The following HPSE2 variants were observed in gnomAD, a reference collection of about 807,000 sequenced individuals.
HPSE2 encodes the protein heparanase 2 (inactive).
A neutral mutation model predicts 60.5 loss-of-function variants in HPSE2; 38 were observed. The observed-to-expected ratio is 0.63, with a 90% CI of 0.48 to 0.82. HPSE2 has a LOEUF of 0.82. Among genes scored for constraint, HPSE2 ranks in the 40% least tolerant of loss-of-function variants. The probability of loss-of-function intolerance (pLI) is 0.00; values close to 1 mark genes in which losing one functional copy is unlikely to be tolerated. For missense variants in HPSE2, 713 were observed against 740.4 expected (o/e 0.96, Z 0.43); for synonymous variants, 295 against 293.2 (o/e 1.01, Z -0.06).
chr10:98,736,521 C>T (rs1207195604), intron 4 of HPSE2, among the ~76,000 whole-genome samples: 1 of 152,074 alleles, frequency 6.6e-6, no homozygotes, highest in African/African-American at 2.4e-5. Context: ...ACTCACTTCC[C>T]TTAATAATCA....
intron 11 of HPSE2, among the ~76,000 whole-genome samples, chr10:98,475,050 C>G (rs773354966): frequency 3.3e-5 from 5 of 152,062 alleles, no homozygotes; most frequent in Non-Finnish European, 5.9e-5. Context: ...TTGAACTTTA[C>G]ATTCAGAATT....
chr10:98,939,589 T>G (rs1564673771), intron 3 of HPSE2, among the ~76,000 whole-genome samples: 1 of 143,536 alleles, frequency 7.0e-6, no homozygotes, highest in African/African-American at 2.9e-5. Context: ...AAGCAAGTCC[T>G]GAGTGACCTA....
At chr10:98,966,368 A>C (rs1011971254) in intron 3 of HPSE2, among the ~76,000 whole-genome samples, 2 of 152,184 alleles carry the variant, frequency 1.3e-5, no homozygotes, top group African/African-American at 4.8e-5. Context: ...TCAGGTAGAG[A>C]GACAGAAAGG....
intron 5 of HPSE2, among the ~76,000 whole-genome samples, chr10:98,721,009 T>A (rs1948908815): frequency 6.6e-6 from 1 of 152,170 alleles, no homozygotes; most frequent in Admixed American, 6.6e-5. Context: ...GTTTATGTGT[T>A]TCTAGTTATA....
At chr10:98,837,371 AG>A (rs982571135) in intron 3 of HPSE2, among the ~76,000 whole-genome samples, 1 of 152,260 alleles carries the variant, frequency 6.6e-6, no homozygotes, top group African/African-American at 2.4e-5. Flanking sequence ...TATATAAGGT[AG>A]AAAAATGACA....
At chr10:98,885,193 C>A (rs1438427823) in intron 3 of HPSE2, among the ~76,000 whole-genome samples, 1 of 152,026 alleles carries the variant, frequency 6.6e-6, no homozygotes, top group African/African-American at 2.4e-5. Flanking sequence ...GTAGAAATAA[C>A]AAAAGAACTG....
chr10:99,306,340 C>T, the HPSE2 span, among the ~76,000 whole-genome samples: 2 of 152,114 alleles, frequency 1.3e-5, no homozygotes, highest in African/African-American at 4.8e-5. Context: ...CATGCTCTCT[C>T]CTTTGGCACT....
chr10:98,591,098 G>T (rs575780887), intron 9 of HPSE2, among the ~76,000 whole-genome samples: 67 of 142,392 alleles, frequency 4.7e-4, no homozygotes, highest in African/African-American at 1.7e-3. Context: ...CATTTATTTA[G>T]ATACAGGAAG....
At chr10:98,570,185 G>T (rs1404530606) in intron 9 of HPSE2, among the ~76,000 whole-genome samples, 4 of 152,154 alleles carry the variant, frequency 2.6e-5, no homozygotes, top group African/African-American at 9.7e-5. Flanking sequence ...GGCCAGCTCT[G>T]AACATTCCTT....
intron 2 of HPSE2, among the ~76,000 whole-genome samples, chr10:99,159,816 T>C (rs1846749022): frequency 1.3e-5 from 2 of 152,164 alleles, no homozygotes; most frequent in African/African-American, 2.4e-5. Context: ...TAAATCGAAC[T>C]TCATCAAGAG....
intron 6 of HPSE2, among the ~76,000 whole-genome samples, chr10:98,648,010 C>T (rs1946818355): frequency 6.6e-6 from 1 of 152,152 alleles, no homozygotes; most frequent in Non-Finnish European, 1.5e-5. Flanking sequence ...AGGTAAAGGT[C>T]AGAGTTGTGA....
intron 3 of HPSE2, among the ~76,000 whole-genome samples, chr10:98,901,180 A>G (rs1953656060): frequency 6.6e-6 from 1 of 152,190 alleles, no homozygotes; most frequent in African/African-American, 2.4e-5. Flanking sequence ...CAGAAAGCAG[A>G]TTAGTGATTG....
chr10:98,557,884 G>T (rs1000521372), intron 9 of HPSE2, among the ~76,000 whole-genome samples: 3 of 152,070 alleles, frequency 2.0e-5, no homozygotes, highest in African/African-American at 7.2e-5. Flanking sequence ...AGGAGGCGGA[G>T]GTTGCAGTGA....
chr10:99,040,874 C>T (rs910542084), intron 3 of HPSE2, among the ~76,000 whole-genome samples: 16 of 152,104 alleles, frequency 1.1e-4, no homozygotes, highest in African/African-American at 3.4e-4. Flanking sequence ...ATCACAAGAT[C>T]AGGAGATCGA....
chr10:99,232,203 G>A (rs1849667377), intron 2 of HPSE2, 145 bp downstream of exon 2: 1 of 863,178 alleles, frequency 1.2e-6, no homozygotes. Context: ...GCCCCAACGC[G>A]CGCGCGCGCA....
the HPSE2 span, among the ~76,000 whole-genome samples, chr10:99,279,053 T>A: frequency 8.5e-5 from 13 of 152,250 alleles, no homozygotes; most frequent in Admixed American, 7.2e-4. Flanking sequence ...TATGTTTCTC[T>A]CCTAGTTGTT....
At chr10:98,631,652 T>C (rs515933) in intron 7 of HPSE2, among the ~76,000 whole-genome samples, 48,582 of 151,962 alleles carry the variant, frequency 0.32, 8,560 homozygotes, top group East Asian at 0.44. Flanking sequence ...GCAATTTGCT[T>C]CCAGGGCCAT....
chr10:98,808,199 A>G (rs908335746), intron 3 of HPSE2, among the ~76,000 whole-genome samples: 7 of 152,134 alleles, frequency 4.6e-5, no homozygotes, highest in African/African-American at 1.4e-4. Context: ...CTGAACCCCA[A>G]AAGAAGCATA....
intron 3 of HPSE2, among the ~76,000 whole-genome samples, chr10:98,831,716 A>AC (rs1186387972): frequency 1.3e-5 from 2 of 152,190 alleles, no homozygotes; most frequent in Non-Finnish European, 2.9e-5. Flanking sequence ...CAGGTCTAAT[A>AC]ATTGTGAGCC....
Sources: gnomAD v4.1 joint callset for allele counts (sites outside exome capture counted in the v4.1 genomes callset) on GRCh38, gnomAD v4.1.1 for gene constraint, MANE v1.5 for transcripts, NCBI Gene and HGNC (gene_info 2026-07-23, HGNC 2026-07-21) for gene names.